SPEF2: variants seen among roughly 807,000 people sequenced by gnomAD.
SPEF2 encodes the protein sperm flagellar and cilia associated 2, also known as sperm flagella and cilia-associated protein 2.
Under a neutral mutation model 224.6 loss-of-function variants are expected in SPEF2, and 187 were observed. The ratio of observed to expected loss-of-function variants is 0.83; its 90% CI spans 0.74 to 0.94. SPEF2 has a LOEUF of 0.94. Ranked by LOEUF, SPEF2 falls within the 40% of genes least tolerant of loss-of-function variation. SPEF2 has a pLI of 0.00. For synonymous variants in SPEF2, 715 were observed against 707.3 expected, an observed-to-expected ratio of 1.01 and a Z score of -0.17; for missense variants, 2,170 against 2,135.6, an observed-to-expected ratio of 1.02 and a Z score of -0.32.
At chr5:35,805,125 A>T (rs919086636) in intron 34 of SPEF2, among the ~76,000 whole-genome samples, 1 of 152,206 alleles carries the variant, frequency 6.6e-6, no homozygotes, top group Non-Finnish European at 1.5e-5. Flanking sequence ...AGTGGACAAA[A>T]GCCTGCAGGA....
chr5:35,788,345 G>C, intron 30 of SPEF2: 1 of 702,944 alleles, frequency 1.4e-6, no homozygotes, highest in Non-Finnish European at 2.6e-6. Context: ...TGTTGATATT[G>C]GCCCAGTATT....
chr5:35,721,977 C>A (rs1480370455), intron 20 of SPEF2, among the ~76,000 whole-genome samples: 2 of 152,010 alleles, frequency 1.3e-5, no homozygotes, highest in Non-Finnish European at 2.9e-5. Context: ...CCCCACAAAT[C>A]CTTTTTCAGA....
chr5:35,673,518 G>A (rs557856087), intron 10 of SPEF2, among the ~76,000 whole-genome samples: 1 of 152,182 alleles, frequency 6.6e-6, no homozygotes, highest in Non-Finnish European at 1.5e-5. Context: ...AGAAGTCCCT[G>A]CCACAAAGCA....
intron 24 of SPEF2, among the ~76,000 whole-genome samples, chr5:35,757,749 T>A (rs900021389): frequency 1.3e-5 from 2 of 152,212 alleles, no homozygotes; most frequent in African/African-American, 4.8e-5. Flanking sequence ...AGAAAAAGGT[T>A]TAGTTTTTCT....
intron 24 of SPEF2, among the ~76,000 whole-genome samples, 170 bp downstream of exon 24, chr5:35,753,931 A>G (rs1007687590): frequency 2.6e-5 from 4 of 152,194 alleles, no homozygotes; most frequent in Non-Finnish European, 5.9e-5. Context: ...CCGAAATAAT[A>G]CATTTTGACC....
intron 28 of SPEF2, among the ~76,000 whole-genome samples, chr5:35,774,931 G>C (rs1275362323): frequency 6.6e-6 from 1 of 152,096 alleles, no homozygotes; most frequent in Non-Finnish European, 1.5e-5. Context: ...TGCCTGCCCT[G>C]CATCTGATTT....
At chr5:35,641,735 A>G in intron 3 of SPEF2, 52 bp downstream of exon 3, 1 of 1,557,880 alleles carries the variant, frequency 6.4e-7, no homozygotes, top group Non-Finnish European at 8.7e-7. Flanking sequence ...AATTTGATAA[A>G]GAGAAATGAC....
At chr5:35,714,901 A>T (rs1282725402) in intron 20 of SPEF2, among the ~76,000 whole-genome samples, 1 of 151,692 alleles carries the variant, frequency 6.6e-6, no homozygotes, top group African/African-American at 2.4e-5. Flanking sequence ...ATGAAACAAT[A>T]ATGTTTGATT....
intron 21 of SPEF2, among the ~76,000 whole-genome samples, chr5:35,734,709 C>CTTTTTTTTTTTTT (rs869188623): frequency 3.8e-4 from 12 of 31,194 alleles, no homozygotes; most frequent in Non-Finnish European, 4.9e-4. Flanking sequence ...TCTTTTTTTT[C>CTTTTTTTTTTTTT]TTTTTTTTTT....
intron 7 of SPEF2, among the ~76,000 whole-genome samples, chr5:35,656,821 AG>A (rs1749025038): frequency 6.6e-6 from 1 of 152,248 alleles, no homozygotes; most frequent in South Asian, 2.1e-4. Context: ...TTTCCATCAC[AG>A]GAACCTCATC....
chr5:35,667,619 C>T (rs1189631420), intron 9 of SPEF2, among the ~76,000 whole-genome samples: 1 of 152,074 alleles, frequency 6.6e-6, no homozygotes, highest in Non-Finnish European at 1.5e-5. Flanking sequence ...AAAAGGAAAA[C>T]TTGACAAATT....
In SPEF2 at chr5:35,659,003, C is replaced by T; in HGVS notation, c.979-16C>T. On this transcript the variant is annotated splice_polypyrimidine_tract_variant and intron_variant, in intron 7 of 36. Coordinates refer to ENST00000356031, the MANE Select transcript of SPEF2 (RefSeq NM_024867.4). ...TTGGACGTCACTTTAACAAATAATT[C>T]CCCTGGTGTTTTCAGGAGGCTTATC... 2 of 1,516,494 alleles carry T rather than the reference C, an allele frequency of 1.3e-6. No individual in the cohort carries two copies. The highest frequency in any genetic ancestry group is 1.8e-6 in the Non-Finnish European group (2 of 1,127,042). The allele number at this position is 1,516,494 out of a possible 1,614,324, so 93.9% of individuals were successfully genotyped here.
At chr5:35,639,035 G>T (rs1746230691) in intron 2 of SPEF2, among the ~76,000 whole-genome samples, 1 of 152,140 alleles carries the variant, frequency 6.6e-6, no homozygotes, top group Admixed American at 6.5e-5. Context: ...CTGTAAAAAT[G>T]CAGGCCTTCG....
chr5:35,633,681 A>G (rs964433056), intron 2 of SPEF2, among the ~76,000 whole-genome samples: 3 of 151,894 alleles, frequency 2.0e-5, no homozygotes, highest in Admixed American at 1.3e-4. Context: ...TATATGTCTT[A>G]TGTCTTTTTT....
Position 35,628,445 on chromosome 5 carries a change from TG to T in SPEF2, c.59-14del, listed in dbSNP as rs751068968. On this transcript the variant is annotated splice_polypyrimidine_tract_variant and intron_variant, in intron 1 of 36. Coordinates refer to ENST00000356031, the MANE Select transcript of SPEF2 (RefSeq NM_024867.4). The stretch of plus-strand genomic sequence containing the variant: ...ATTGTATTCATGGTTTTTATCTCAA[TG>T]TTTTGAAACTCAGGTCCCAAGTCAT... The T allele has an allele frequency of 4.5e-6, 7 of 1,563,570 alleles. No homozygotes were observed. Among genetic ancestry groups the T allele is most frequent in the Non-Finnish European group, 6.2e-6 (7 of 1,134,732 alleles).
At chr5:35,671,378 AC>A in intron 10 of SPEF2, 3 of 962,110 alleles carry the variant, frequency 3.1e-6, no homozygotes, top group Non-Finnish European at 3.7e-6. Flanking sequence ...TATTTGTAGC[AC>A]TAAGAGAATT....
intron 7 of SPEF2, among the ~76,000 whole-genome samples, chr5:35,657,507 A>G (rs1246832894): frequency 6.6e-6 from 1 of 152,036 alleles, no homozygotes; most frequent in East Asian, 1.9e-4. Flanking sequence ...TGGTTTAAAA[A>G]CATACCTAGG....
At chr5:35,752,117 T>C (rs1749750382) in intron 23 of SPEF2, among the ~76,000 whole-genome samples, 1 of 152,164 alleles carries the variant, frequency 6.6e-6, no homozygotes, top group East Asian at 1.9e-4. Flanking sequence ...GCTGCGGATC[T>C]GATAGGAGGT....
chr5:35,753,843 A>G, intron 24 of SPEF2, 82 bp downstream of exon 24: 1 of 1,550,068 alleles, frequency 6.5e-7, no homozygotes, highest in Non-Finnish European at 8.9e-7. Flanking sequence ...CTTTCTTGGG[A>G]ATATGAGAGG....
Sources: allele counts gnomAD v4.1 joint callset (sites outside exome capture counted in the v4.1 genomes callset), GRCh38; gene constraint gnomAD v4.1.1; transcripts MANE v1.5; gene names NCBI Gene and HGNC (gene_info 2026-07-23, HGNC 2026-07-21).